Variants in CACNA1B observed in about 807,000 individuals in gnomAD.
CACNA1B encodes the protein calcium voltage-gated channel subunit alpha1 B.
Under a neutral mutation model 247.2 loss-of-function variants are expected in CACNA1B, and 70 were observed. The observed-to-expected ratio is 0.28, with a 90% CI of 0.23 to 0.35. The LOEUF (loss-of-function observed/expected upper bound fraction) is 0.35, where lower values mean the gene tolerates loss of function less well. Among genes scored for constraint, CACNA1B ranks in the 10% least tolerant of loss-of-function variants. The pLI, the probability that CACNA1B is intolerant of heterozygous loss-of-function variation, is 1.00. For synonymous variants in CACNA1B, 1,231 were observed against 1,294.4 expected (o/e 0.95, Z 1.05); for missense variants, 2,367 against 3,197.4 (o/e 0.74, Z 6.26).
At chr9:138,097,659 G>A (rs1961099575) in intron 37 of CACNA1B, among the ~76,000 whole-genome samples, 1 of 152,142 alleles carries the variant, frequency 6.6e-6, no homozygotes, top group Non-Finnish European at 1.5e-5. Context: ...AACCGTGGGT[G>A]CCACCGAGGC....
At position 138,058,918 on chromosome 9, in the gene CACNA1B, G is replaced by T. The variant is rs1379698107; in HGVS notation, c.4474-161G>T. Among the ~76,000 whole-genome samples, 1 of 152,192 alleles carries T rather than the reference G, an allele frequency of 6.6e-6. No individual in the cohort carries two copies. The highest frequency in any genetic ancestry group is 2.4e-5 in the African/African-American group (1 of 41,444). On this transcript the variant is annotated intron_variant, in intron 29 of 46. Coordinates refer to ENST00000371372, the MANE Select transcript of CACNA1B (RefSeq NM_000718.4). This position sits in a 1 kb window ranked among gnomAD's most constrained non-coding sequence, Gnocchi z 4.7. ...CCTTTGTTGTCTGTGGGCTGGGACA[G>T]TGGGGAGGTTCTGGGAGGACTCGGG...
rs748323993 is a variant in CACNA1B at position 137,880,079 on chromosome 9, G to C, written c.390+920G>C. ...CCCTCTTCCCTTAAGCCTGGCTTCC[G>C]CCCCCACTAGCATCCTGAGACAAGA... On this transcript the variant is annotated intron_variant, in intron 2 of 46. Coordinates refer to ENST00000371372, the MANE Select transcript of CACNA1B (RefSeq NM_000718.4). The surrounding 1 kb of genome is among the most constrained non-coding windows in gnomAD (Gnocchi z 4.8). Among the ~76,000 whole-genome samples, 9 of 152,198 alleles carry C rather than the reference G, an allele frequency of 5.9e-5. No homozygotes were observed. The highest frequency in any genetic ancestry group is 5.2e-4 in the Admixed American group (8 of 15,282).
intron 36 of CACNA1B, 110 bp from the exon 37 acceptor site, chr9:138,096,374 G>A (rs1961056302): frequency 1.1e-6 from 1 of 871,808 alleles, no homozygotes; most frequent in African/African-American, 1.7e-5. Flanking sequence ...TCAAATCAGA[G>A]TGACCCCTGC....
chr9:137,960,485 ATGCGAGACGCCG>A (rs1958007427), intron 10 of CACNA1B, among the ~76,000 whole-genome samples: 1 of 35,650 alleles, frequency 2.8e-5, no homozygotes, highest in Non-Finnish European at 5.5e-5. Context: ...GAGAGGGGAG[ATGCGAGACGCCG>A]CCAGGGAGGG....
At chr9:137,894,302 A>ATTTTTTTTTTTTTTTT (rs56794355) in intron 3 of CACNA1B, among the ~76,000 whole-genome samples, 1 of 96,072 alleles carries the variant, frequency 1.0e-5, no homozygotes. Flanking sequence ...TTGTCTCTGT[A>ATTTTTTTTTTTTTTTT]TTTTTTTTTT....
At chr9:138,103,725 A>T (rs971365634) in intron 38 of CACNA1B, among the ~76,000 whole-genome samples, 2 of 152,328 alleles carry the variant, frequency 1.3e-5, no homozygotes, top group East Asian at 3.9e-4. Context: ...TTCAGCCAAC[A>T]CGTGCCTAGA....
At chr9:138,080,456 A>G (rs1270338843) in intron 36 of CACNA1B, among the ~76,000 whole-genome samples, 2 of 152,206 alleles carry the variant, frequency 1.3e-5, no homozygotes, top group Admixed American at 6.5e-5. Flanking sequence ...TCATTGCAAG[A>G]TCATTACATT....
chr9:138,049,569 G>T (rs1282011650), intron 24 of CACNA1B, among the ~76,000 whole-genome samples: 1 of 152,214 alleles, frequency 6.6e-6, no homozygotes, highest in African/African-American at 2.4e-5. Context: ...ATCCCCGCCT[G>T]CCTGGAGGGG....
At position 138,122,107 on chromosome 9, in the gene CACNA1B, T is replaced by G; in HGVS notation, c.*108T>G. The G allele has an allele frequency of 1.0e-6, 1 of 991,848 alleles. No homozygotes were observed. 61.4% of individuals were successfully genotyped at this position (991,848 alleles called of 1,614,324 possible). On this transcript the variant is annotated 3_prime_UTR_variant, in exon 47 of 47. Transcript: ENST00000371372. ...GCCCTCGGGGGAGGCCTTGCCCACC[T>G]TGGTGAGGCTCCTGTGGCCCCTCCC...
chr9:138,112,122 C>T (rs1398327504), intron 39 of CACNA1B, among the ~76,000 whole-genome samples: 2 of 115,744 alleles, frequency 1.7e-5, no homozygotes, highest in African/African-American at 5.8e-5. Flanking sequence ...GTGCAGTGCA[C>T]ATGCATGCAC....
In CACNA1B at chr9:137,934,037, T is replaced by C. The variant is rs928314661; in HGVS notation, c.966+16606T>C. Among the ~76,000 whole-genome samples, 7 of 152,362 alleles carry C rather than the reference T, an allele frequency of 4.6e-5. No homozygotes were observed. The East Asian group carries it at 1.3e-3, about 29-fold the overall frequency. On this transcript the variant is annotated intron_variant, in intron 6 of 46. Transcript: ENST00000371372. Reference sequence around the variant, plus strand: ...TACAAAGGAAGTGATTCCATCCATTTTGAATAAAACAAATTGTAAAAATAT... The same window carrying C: ...TACAAAGGAAGTGATTCCATCCATTCTGAATAAAACAAATTGTAAAAATAT...
intron 6 of CACNA1B, among the ~76,000 whole-genome samples, chr9:137,927,845 G>C (rs1307989711): frequency 6.6e-6 from 1 of 152,026 alleles, no homozygotes; most frequent in Non-Finnish European, 1.5e-5. Flanking sequence ...TTTTTGTTTT[G>C]AATGGGTGTT....
At position 138,120,769 on chromosome 9, in the gene CACNA1B, G is replaced by A. The variant is rs1303415147; in HGVS notation, c.6377G>A (p.Arg2126His). The A allele has an allele frequency of 7.1e-6, 11 of 1,551,426 alleles. No individual in the cohort carries two copies. The highest frequency in any genetic ancestry group is 2.7e-5 in the African/African-American group (2 of 72,872). The change falls in exon 46 of 47, where the codon CGC (arginine) becomes CAC (histidine). Residue 2126 changes from arginine to histidine, a missense_variant. Transcript: ENST00000371372. ...QPSSSSSEKQ[R>H]FYSCDRFGGR... is the part of the protein sequence containing the mutation. ...TCATCCTCCTCCTCGGAGAAGCAGC[G>A]CTTCTACTCCTGCGACCGCTTTGGG... is the stretch of plus-strand genomic sequence containing the variant.
At chr9:138,103,163 G>T (rs934038579) in intron 38 of CACNA1B, among the ~76,000 whole-genome samples, 1 of 152,204 alleles carries the variant, frequency 6.6e-6, no homozygotes, top group Non-Finnish European at 1.5e-5. Context: ...GTTTGACAGA[G>T]ATTGTTTTTG....
intron 15 of CACNA1B, among the ~76,000 whole-genome samples, chr9:138,003,747 G>A (rs192803205): frequency 1.5e-4 from 22 of 150,946 alleles, no homozygotes; most frequent in Non-Finnish European, 2.8e-4. Context: ...GGGCCCCTGG[G>A]CAGGAGAAAT....
intron 10 of CACNA1B, among the ~76,000 whole-genome samples, chr9:137,968,864 C>G (rs1958112908): frequency 6.6e-6 from 1 of 152,186 alleles, no homozygotes; most frequent in African/African-American, 2.4e-5. Context: ...GGAATTTCTC[C>G]CTAGCTTGAA....
At position 138,023,447 on chromosome 9, in the gene CACNA1B, G is replaced by C; in HGVS notation, c.2704G>C (p.Ala902Pro). ...CAAGGAGGCCGCGGGGCCCCCGGAG[G>C]CGCGGAGCGAGCGCGGCCGAGGCCC... ...HSKEAAGPPE[A>P]RSERGRGPGP... is the part of the protein sequence containing the mutation. The change falls in exon 19 of 47, where the codon GCG becomes CCG. Residue 902 changes from alanine to proline, a missense_variant. Transcript: ENST00000371372. The C allele has an allele frequency of 8.1e-7, 1 of 1,238,338 alleles. No individual in the cohort carries two copies. The allele number at this position is 1,238,338 out of a possible 1,614,324, so 76.7% of individuals were successfully genotyped here. A position where few individuals can be genotyped will look rare whatever the true frequency, so the allele number is the denominator to read the frequency against.
intron 15 of CACNA1B, among the ~76,000 whole-genome samples, chr9:137,987,715 A>C (rs538059857): frequency 1.3e-5 from 2 of 152,274 alleles, no homozygotes; most frequent in African/African-American, 4.8e-5. Flanking sequence ...GAAGGGAGGA[A>C]GTCTTACCAG....
intron 3 of CACNA1B, among the ~76,000 whole-genome samples, chr9:137,908,463 C>A (rs897623349): frequency 1.3e-5 from 2 of 151,612 alleles, no homozygotes; most frequent in African/African-American, 4.8e-5. Flanking sequence ...TTACAGTGAG[C>A]CAAGATCACG....
Sources: allele counts gnomAD v4.1 joint callset (sites outside exome capture counted in the v4.1 genomes callset), GRCh38; gene constraint gnomAD v4.1.1; non-coding constraint Gnocchi (gnomAD v3.1); transcripts MANE v1.5; gene names NCBI Gene and HGNC (gene_info 2026-07-23, HGNC 2026-07-21).